IARS2: variants seen among roughly 807,000 people sequenced by gnomAD.
IARS2 encodes isoleucine--tRNA ligase, mitochondrial.
IARS2 carries 56 observed loss-of-function variants against 126.3 expected under a neutral mutation model. The observed-to-expected ratio is 0.44, with a 90% CI of 0.36 to 0.55. The LOEUF (loss-of-function observed/expected upper bound fraction) is 0.55, where lower values mean the gene tolerates loss of function less well. Among genes scored for constraint, IARS2 ranks in the 20% least tolerant of loss-of-function variants. The probability of loss-of-function intolerance (pLI) is 0.00; values close to 1 mark genes in which losing one functional copy is unlikely to be tolerated. For synonymous variants in IARS2, 407 were observed against 441.1 expected, an observed-to-expected ratio of 0.92 and a Z score of 0.97; for missense variants, 1,127 against 1,245.9, an observed-to-expected ratio of 0.90 and a Z score of 1.44.
chr1:220,136,223 T>C (rs1237156446), intron 15 of IARS2, among the ~76,000 whole-genome samples: 1 of 152,090 alleles, frequency 6.6e-6, no homozygotes, highest in Non-Finnish European at 1.5e-5. Context: ...TCTCCGCCTC[T>C]TGGGTTCAAG....
chr1:220,102,126 T>A lies in IARS2; in HGVS notation c.551-3T>A, dbSNP rs766712241. 2.5e-6 allele frequency: 4 copies of A among 1,592,158 alleles called. No individual in the cohort carries two copies. Among genetic ancestry groups the A allele is most frequent in the Admixed American group, 1.9e-5 (1 of 51,616 alleles). ...TAAAATCTTTTTTTCGTCTTTTTTTTAGCTAGATCATTTGCTAAAGCAGCC... is the reference window on the plus strand; with the variant it reads ...TAAAATCTTTTTTTCGTCTTTTTTTAAGCTAGATCATTTGCTAAAGCAGCC... On this transcript the variant is annotated splice_polypyrimidine_tract_variant and splice_region_variant and intron_variant, in intron 3 of 22. Transcript: ENST00000366922.
intron 20 of IARS2, among the ~76,000 whole-genome samples, chr1:220,142,455 T>C (rs1657508783): frequency 6.6e-6 from 1 of 152,160 alleles, no homozygotes; most frequent in Non-Finnish European, 1.5e-5. Flanking sequence ...TGAGCCAAGA[T>C]CATGCCACTG....
At chr1:220,101,473 A>G (rs978804846) in intron 3 of IARS2, among the ~76,000 whole-genome samples, 4 of 152,020 alleles carry the variant, frequency 2.6e-5, no homozygotes, top group African/African-American at 7.2e-5. Context: ...AGGGAGGTGG[A>G]TCGATCACCT....
At chr1:220,111,169 C>G (rs1035872682) in intron 11 of IARS2, among the ~76,000 whole-genome samples, 2 of 152,166 alleles carry the variant, frequency 1.3e-5, no homozygotes, top group African/African-American at 2.4e-5. Flanking sequence ...CCACATCACA[C>G]TGTTAGTAGA....
chr1:220,125,366 C>A, intron 13 of IARS2, 27 bp downstream of exon 13: 1 of 1,380,784 alleles, frequency 7.2e-7, no homozygotes, highest in Non-Finnish European at 1.0e-6. Flanking sequence ...ATTTAACAGC[C>A]TTTGTATGTA....
chr1:220,145,788 A>G (rs1657574612), intron 22 of IARS2, 135 bp downstream of exon 22: 1 of 739,016 alleles, frequency 1.4e-6, no homozygotes, highest in African/African-American at 1.8e-5. Flanking sequence ...GGAAATAATA[A>G]AAACAATTGC....
At chr1:220,135,033 G>T (rs1657345600) in intron 15 of IARS2, among the ~76,000 whole-genome samples, 2 of 152,122 alleles carry the variant, frequency 1.3e-5, no homozygotes, top group Admixed American at 6.5e-5. Flanking sequence ...CTCCCAAAGT[G>T]GTAGGATTAT....
At chr1:220,132,338 T>C (rs935412090) in intron 14 of IARS2, among the ~76,000 whole-genome samples, 1 of 152,168 alleles carries the variant, frequency 6.6e-6, no homozygotes, top group East Asian at 1.9e-4. Flanking sequence ...GATTTTTTGT[T>C]ACTTATTCAG....
chr1:220,114,517 A>AT (rs1172860317), intron 12 of IARS2, 43 bp downstream of exon 12: 15 of 1,479,118 alleles, frequency 1.0e-5, no homozygotes, highest in Admixed American at 2.1e-5. Flanking sequence ...AAAGTGAAAT[A>AT]TTTTTTCTTC....
Position 220,109,386 on chromosome 1 carries a change from C to T in IARS2, c.1328-1400C>T, listed in dbSNP as rs540909383. On this transcript the variant is annotated intron_variant, in intron 10 of 22. Coordinates refer to ENST00000366922, the MANE Select transcript of IARS2 (RefSeq NM_018060.4). The stretch of plus-strand genomic sequence containing the variant: ...CTGCACTCCATCCTGGGCAACAGAG[C>T]GAGAGTCCATCTCAAAAAAAAAAAA... 3.3e-3 allele frequency among the ~76,000 whole-genome samples: 474 copies of T among 145,744 alleles called. 1 individual carries two copies. The highest frequency in any genetic ancestry group is 6.1e-3 in the Non-Finnish European group (404 of 66,682).
At position 220,107,061 on chromosome 1, in the gene IARS2, G is replaced by A. The variant is rs758540923; in HGVS notation, c.1237G>A (p.Asp413Asn). The A allele has an allele frequency of 6.3e-7, 1 of 1,590,272 alleles. No homozygotes were observed. Among genetic ancestry groups the A allele is most frequent in the South Asian group, 1.1e-5 (1 of 90,556 alleles). The change falls in exon 10 of 23, where the codon GAT becomes AAT. Residue 413 changes from aspartate (D) to asparagine (N), a missense_variant and splice_region_variant. Asp to Asn is a conservative substitution (Grantham distance 23). Transcript: ENST00000366922. ...GVASQHNLPMDCLVDEDGVFT... is the reference protein window; with the variant it reads ...GVASQHNLPMNCLVDEDGVFT... ...AATTGTTCAAAATGATACTTTATAG[G>A]ATTGTCTAGTGGACGAAGATGGAGT...
At chr1:220,126,106 C>CAAAAAAA (rs372363841) in intron 13 of IARS2, among the ~76,000 whole-genome samples, 5 of 81,452 alleles carry the variant, frequency 6.1e-5, no homozygotes, top group South Asian at 4.1e-4. Context: ...AACTCTGTCT[C>CAAAAAAA]AAAAAAAAAA....
Position 220,134,416 on chromosome 1 carries a change from G to A in IARS2, c.1852G>A (p.Ala618Thr). Reference protein sequence around the residue: ...SYVLPGPDQRADLYLEGKDQL... With the variant: ...SYVLPGPDQRTDLYLEGKDQL... ...TTAATTTTGAGGTCCTGACCAAAGA[G>A]CAGATTTGTACTTGGAAGGAAAAGA... Residue 618 changes from alanine to threonine, a missense_variant, in exon 15 of 23, where the codon GCA (alanine) becomes ACA (threonine). Physicochemically the swap from Ala to Thr is moderately conservative, Grantham distance 58. Coordinates refer to ENST00000366922, the MANE Select transcript of IARS2 (RefSeq NM_018060.4). The A allele has an allele frequency of 6.2e-7, 1 of 1,603,664 alleles. No homozygotes were observed. The highest frequency in any genetic ancestry group is 8.5e-7 in the Non-Finnish European group (1 of 1,175,818).
At chr1:220,129,134 C>A (rs1299016266) in intron 14 of IARS2, among the ~76,000 whole-genome samples, 1 of 152,090 alleles carries the variant, frequency 6.6e-6, no homozygotes, top group Non-Finnish European at 1.5e-5. Flanking sequence ...CCATCTGCCT[C>A]AGCTCCCAAA....
intron 11 of IARS2, among the ~76,000 whole-genome samples, chr1:220,113,666 A>G (rs1026609012): frequency 4.6e-5 from 7 of 152,184 alleles, no homozygotes; most frequent in Admixed American, 4.6e-4. Context: ...TATTTTAGAG[A>G]CAGGCTCTTG....
At position 220,134,410 on chromosome 1, in the gene IARS2, C is replaced by T; in HGVS notation, c.1846C>T (p.Gln616Ter). ...TAATACTTAATTTTGAGGTCCTGAC[C>T]AAAGAGCAGATTTGTACTTGGAAGG... Reference protein sequence around the residue: ...SWSYVLPGPDQRADLYLEGKD... With the variant: ...SWSYVLPGPD Residue 616 changes from glutamine to a stop codon, truncating the protein, a stop_gained, in exon 15 of 23, where the codon CAA (glutamine) becomes TAA (stop). Coordinates refer to ENST00000366922, the MANE Select transcript of IARS2 (RefSeq NM_018060.4). LOFTEE classifies it high-confidence loss of function. 2.5e-6 allele frequency: 4 copies of T among 1,595,520 alleles called. No individual in the cohort carries two copies. Among genetic ancestry groups the T allele is most frequent in the Non-Finnish European group, 3.4e-6 (4 of 1,172,794 alleles).
At chr1:220,096,878 C>T (rs1001960994) in intron 2 of IARS2, among the ~76,000 whole-genome samples, 1 of 152,056 alleles carries the variant, frequency 6.6e-6, no homozygotes, top group African/African-American at 2.4e-5. Flanking sequence ...AACCCCGTCT[C>T]TACTAAAAAT....
chr1:220,094,860 G>A (rs187769677), intron 1 of IARS2, among the ~76,000 whole-genome samples: 46 of 152,232 alleles, frequency 3.0e-4, no homozygotes, highest in African/African-American at 1.0e-3. Context: ...AACCCAGGCT[G>A]GGCGCAGTGG....
Position 220,094,141 on chromosome 1 carries a change from C to T in IARS2, c.-76C>T, listed in dbSNP as rs1443452430. The T allele has an allele frequency of 1.7e-5, 24 of 1,402,586 alleles. No individual in the cohort carries two copies. Among genetic ancestry groups the T allele is most frequent in the Admixed American group, 2.7e-5 (1 of 36,860 alleles). The allele number at this position is 1,402,586 out of a possible 1,614,324, so 86.9% of individuals were successfully genotyped here. A position where few individuals can be genotyped will look rare whatever the true frequency, so the allele number is the denominator to read the frequency against. On this transcript the variant is annotated 5_prime_UTR_variant, in exon 1 of 23. Coordinates refer to ENST00000366922, the MANE Select transcript of IARS2 (RefSeq NM_018060.4). ...GCGCGTGCGCCCTCTTACTCGGCTC[C>T]CCTTGGTTTCCTGGGGTCCTGCCCC...
Sources: gnomAD v4.1 joint callset for allele counts (sites outside exome capture counted in the v4.1 genomes callset) on GRCh38, gnomAD v4.1.1 for gene constraint, MANE v1.5 for transcripts, NCBI Gene and HGNC (gene_info 2026-07-23, HGNC 2026-07-21) for gene names.